GLS: variants seen among roughly 807,000 people sequenced by gnomAD.
The protein encoded by GLS is glutaminase kidney isoform, mitochondrial.
In GLS, 36 loss-of-function variants were observed where a neutral mutation model predicts 86.7. The observed-to-expected ratio is 0.42, with a 90% CI of 0.32 to 0.55. GLS has a LOEUF of 0.55. Ranked by LOEUF, GLS falls within the 20% of genes least tolerant of loss-of-function variation. The pLI is 0.17. For missense variants in GLS, 528 were observed against 833.4 expected (o/e 0.63, Z 4.51); for synonymous variants, 317 against 305.9 (o/e 1.04, Z -0.38).
Position 190,935,080 on chromosome 2 carries a change from CT to C in GLS, c.1650+3450del, listed in dbSNP as rs778065027. 6.4e-6 allele frequency: 6 copies of C among 944,408 alleles called. No individual in the cohort carries two copies. The highest frequency in any genetic ancestry group is 7.6e-6 in the Non-Finnish European group (6 of 793,198). The allele number at this position is 944,408 out of a possible 1,614,324, so 58.5% of individuals were successfully genotyped here. A position where few individuals can be genotyped will look rare whatever the true frequency, so the allele number is the denominator to read the frequency against. ...GCATATTTGATTTTCTTTTTTCTTT[CT>C]TTTTTTGGCATCATTAACATTTCAT... On this transcript the variant is annotated intron_variant, in intron 14 of 17. Coordinates refer to ENST00000320717, the MANE Select transcript of GLS (RefSeq NM_014905.5). The surrounding 1 kb of genome is among the most constrained non-coding windows in gnomAD (Gnocchi z 4.2).
At chr2:190,942,301 C>T (rs1411462675) in intron 14 of GLS, among the ~76,000 whole-genome samples, 1 of 151,666 alleles carries the variant, frequency 6.6e-6, no homozygotes, top group East Asian at 1.9e-4. Context: ...AAGATGGTCT[C>T]GATCTCCTGA....
intron 14 of GLS, among the ~76,000 whole-genome samples, chr2:190,937,840 GTT>G (rs1197759246): frequency 7.8e-5 from 10 of 128,382 alleles, no homozygotes; most frequent in African/African-American, 2.0e-4. Context: ...GAATCTGTGG[GTT>G]TTTTTTTTTT....
At chr2:190,933,931 T>C in intron 14 of GLS, 1 of 916,328 alleles carries the variant, frequency 1.1e-6, no homozygotes. Flanking sequence ...GGTATAAAAA[T>C]GCAATATTGA....
In GLS at chr2:190,963,399, A is replaced by T. The variant is rs1691047852; in HGVS notation, c.*413A>T. The T allele has an allele frequency of 6.4e-6, 1 of 155,304 alleles. No individual in the cohort carries two copies. Among genetic ancestry groups the T allele is most frequent in the Admixed American group, 6.4e-5 (1 of 15,692 alleles). The allele number at this position is 155,304 out of a possible 1,614,324, so 9.6% of individuals were successfully genotyped here. A position where few individuals can be genotyped will look rare whatever the true frequency, so the allele number is the denominator to read the frequency against. On this transcript the variant is annotated 3_prime_UTR_variant, in exon 18 of 18. Transcript: ENST00000320717. The stretch of plus-strand genomic sequence containing the variant: ...TTAGAAGCAAATAGTGTGATTTTCA[A>T]GACTTCAAATACAAATTTAGTTTAA...
At chr2:190,950,598 C>CT (rs1690694927) in intron 14 of GLS, among the ~76,000 whole-genome samples, 3 of 152,176 alleles carry the variant, frequency 2.0e-5, no homozygotes, top group African/African-American at 7.2e-5. Context: ...AAGCACTTCT[C>CT]AGCACCACTG....
chr2:190,902,056 A>G (rs548107649), intron 5 of GLS, 30 bp downstream of exon 5: 10 of 1,280,680 alleles, frequency 7.8e-6, no homozygotes, highest in Non-Finnish European at 1.0e-5. Flanking sequence ...ATGAAAACCA[A>G]CTCTAAGCCT....
intron 14 of GLS, 33 bp downstream of exon 14, chr2:190,931,670 A>C (rs1690108963): frequency 9.7e-7 from 1 of 1,033,706 alleles, no homozygotes; most frequent in South Asian, 1.4e-5. Context: ...TAAGTATATA[A>C]AATTTTTAAG....
At position 190,935,178 on chromosome 2, in the gene GLS, A is replaced by G. The variant is rs527673165; in HGVS notation, c.1650+3541A>G. The G allele has an allele frequency of 1.1e-6, 1 of 899,132 alleles. No homozygotes were observed. The highest frequency in any genetic ancestry group is 6.2e-5 in the Admixed American group (1 of 16,054). 55.7% of individuals were successfully genotyped at this position (899,132 alleles called of 1,614,324 possible). ...TTGTGCATTTTATCTTAGTGTTTGG[A>G]TGAAAACATTTGTGTTGTTTAGCTT... is the stretch of plus-strand genomic sequence containing the variant. On this transcript the variant is annotated intron_variant, in intron 14 of 17. Transcript: ENST00000320717. This position sits in a 1 kb window ranked among gnomAD's most constrained non-coding sequence, Gnocchi z 4.2.
intron 6 of GLS, 70 bp from the exon 7 acceptor site, chr2:190,910,192 AT>A: frequency 2.1e-6 from 2 of 931,262 alleles, no homozygotes; most frequent in Non-Finnish European, 3.3e-6. Context: ...TTCCAAGGTC[AT>A]TTTTAGTATA....
At chr2:190,940,718 CCT>C (rs1690400256) in intron 14 of GLS, among the ~76,000 whole-genome samples, 1 of 151,564 alleles carries the variant, frequency 6.6e-6, no homozygotes, top group Non-Finnish European at 1.5e-5. Flanking sequence ...ATTTTCAATC[CCT>C]GTTTTACTTA....
At chr2:190,936,925 C>T (rs909224666) in intron 14 of GLS, among the ~76,000 whole-genome samples, 2 of 151,150 alleles carry the variant, frequency 1.3e-5, no homozygotes, top group African/African-American at 2.4e-5. Context: ...TAAAGGTATA[C>T]GATCAGAATA....
chr2:190,895,675 T>C lies in GLS; in HGVS notation c.555T>C (p.Thr185=), dbSNP rs112555488. 1 of 1,605,418 alleles carries C rather than the reference T, an allele frequency of 6.2e-7. No individual in the cohort carries two copies. Among genetic ancestry groups the C allele is most frequent in the South Asian group, 1.1e-5 (1 of 90,514 alleles). The change falls in exon 3 of 18, where the codon ACT becomes ACC. Residue 185 remains threonine, a synonymous_variant. Transcript: ENST00000320717. This position sits in a 1 kb window ranked among gnomAD's most constrained non-coding sequence, Gnocchi z 4.2. ...AGTGTATGGATATGTTAAGATTAAC[T>C]CTTCAAACAACATCAGATGGTGTCA... ...LKECMDMLRL[T]LQTTSDGVML... is the part of the protein sequence containing the mutation.
chr2:190,895,795 A>C lies in GLS; in HGVS notation c.605+70A>C. ...ACGGTGATTCTGCTTTTAAAACAAA[A>C]TTGCATCTTTGAAGGCCACTGCTTC... On this transcript the variant is annotated intron_variant, in intron 3 of 17. Coordinates refer to ENST00000320717, the MANE Select transcript of GLS (RefSeq NM_014905.5). The surrounding 1 kb of genome is among the most constrained non-coding windows in gnomAD (Gnocchi z 4.2). The C allele has an allele frequency of 7.7e-7, 1 of 1,306,254 alleles. No homozygotes were observed. The highest frequency in any genetic ancestry group is 1.1e-6 in the Non-Finnish European group (1 of 951,356). The allele number at this position is 1,306,254 out of a possible 1,614,324, so 80.9% of individuals were successfully genotyped here. A position where few individuals can be genotyped will look rare whatever the true frequency, so the allele number is the denominator to read the frequency against.
chr2:190,900,724 C>G (rs1688910537), intron 4 of GLS, 31 bp downstream of exon 4: 2 of 1,561,500 alleles, frequency 1.3e-6, no homozygotes, highest in African/African-American at 2.7e-5. Context: ...ATTTTCATAA[C>G]CGAATCACTT....
chr2:190,902,224 T>C (rs1688969553), intron 5 of GLS, among the ~76,000 whole-genome samples, 198 bp downstream of exon 5: 1 of 152,190 alleles, frequency 6.6e-6, no homozygotes, highest in Non-Finnish European at 1.5e-5. Context: ...TTATGAGACA[T>C]CTATTTTATT....
intron 7 of GLS, among the ~76,000 whole-genome samples, chr2:190,919,429 A>T (rs1689662561): frequency 6.6e-6 from 1 of 152,092 alleles, no homozygotes; most frequent in South Asian, 2.1e-4. Flanking sequence ...AACTTGTAAG[A>T]GTTTTATAGG....
intron 1 of GLS, among the ~76,000 whole-genome samples, chr2:190,882,489 G>A (rs531882585): frequency 3.7e-4 from 57 of 152,126 alleles, no homozygotes; most frequent in Non-Finnish European, 8.8e-5. Flanking sequence ...TCTTTTTCTG[G>A]CTTTGTACGC....
rs748069101 is a variant in GLS, at chr2:190,905,052, A to G, written c.864A>G (p.Val288=). The change falls in exon 6 of 18, where the codon GTA becomes GTG. Residue 288 remains valine, a synonymous_variant. Coordinates refer to ENST00000320717, the MANE Select transcript of GLS (RefSeq NM_014905.5). This position sits in a 1 kb window ranked among gnomAD's most constrained non-coding sequence, Gnocchi z 4.6. ...TTCCCTTCTGTCTTCAGTCCTGTGTAAAACCTTTGAAATATGCCATTGCTG... is the reference window on the plus strand; with the variant it reads ...TTCCCTTCTGTCTTCAGTCCTGTGTGAAACCTTTGAAATATGCCATTGCTG... ...TKVPFCLQSC[V]KPLKYAIAVN... The G allele has an allele frequency of 1.9e-6, 3 of 1,601,082 alleles. No individual in the cohort carries two copies. Among genetic ancestry groups the G allele is most frequent in the South Asian group, 2.2e-5 (2 of 90,828 alleles).
chr2:190,958,363 T>A (rs1319224037), intron 17 of GLS, among the ~76,000 whole-genome samples: 1 of 152,198 alleles, frequency 6.6e-6, no homozygotes, highest in Admixed American at 6.5e-5. Flanking sequence ...GTTGATGTTT[T>A]CAAAAAACCA....
Sources: gnomAD v4.1 joint callset for allele counts (sites outside exome capture counted in the v4.1 genomes callset) on GRCh38, gnomAD v4.1.1 for gene constraint, Gnocchi (gnomAD v3.1) non-coding constraint, MANE v1.5 for transcripts, NCBI Gene and HGNC (gene_info 2026-07-23, HGNC 2026-07-21) for gene names.